Variants in ATM observed in about 807,000 individuals in gnomAD.
The protein encoded by ATM is serine-protein kinase ATM.
ATM carries 308 observed loss-of-function variants against 387.0 expected under a neutral mutation model. The observed-to-expected ratio is 0.80, with a 90% CI of 0.73 to 0.87. The LOEUF (loss-of-function observed/expected upper bound fraction) is 0.87. Ranked by LOEUF, ATM falls within the 40% of genes least tolerant of loss-of-function variation. The pLI is 0.00. For synonymous variants in ATM, 1,156 were observed against 1,187.3 expected (o/e 0.97, Z 0.54); for missense variants, 3,312 against 3,560.9 (o/e 0.93, Z 1.78).
chr11:108,242,200 G>A (rs892829892), intron 5 of ATM, among the ~76,000 whole-genome samples: 1 of 152,084 alleles, frequency 6.6e-6, no homozygotes, highest in Non-Finnish European at 1.5e-5. Flanking sequence ...AGATCCTATA[G>A]ATATTCAAAG....
At chr11:108,337,163 T>A (rs2086943075) in intron 56 of ATM, among the ~76,000 whole-genome samples, 1 of 152,198 alleles carries the variant, frequency 6.6e-6, no homozygotes, top group Non-Finnish European at 1.5e-5. Flanking sequence ...GAACTTGGTT[T>A]TGAGCTTCTT....
chr11:108,260,521 T>C (rs1349051025), intron 16 of ATM, among the ~76,000 whole-genome samples: 1 of 152,194 alleles, frequency 6.6e-6, no homozygotes, highest in Non-Finnish European at 1.5e-5. Flanking sequence ...TTGATGGATA[T>C]TGTCATTGTC....
At position 108,246,927 on chromosome 11, in the gene ATM, A is replaced by G. The variant is rs1270406556; in HGVS notation, c.902-37A>G. 2.6e-6 allele frequency: 4 copies of G among 1,530,290 alleles called. No individual in the cohort carries two copies. In the African/African-American group the frequency reaches 4.1e-5, roughly 16 times the overall value. 94.8% of individuals were successfully genotyped at this position (1,530,290 alleles called of 1,614,324 possible). ...GGAGCTAGCAGTGTAAACAGAGTAC[A>G]TACATAAAAATTACATTTTAATTTT... On this transcript the variant is annotated intron_variant, in intron 7 of 62. Transcript: ENST00000675843.
intron 33 of ATM, 75 bp downstream of exon 33, chr11:108,297,457 T>TACAG: frequency 8.2e-7 from 1 of 1,216,758 alleles, no homozygotes; most frequent in Non-Finnish European, 1.2e-6. Flanking sequence ...TAATACTGTA[T>TACAG]TTTTACTGTA....
chr11:108,268,259 G>T (rs2081370146), intron 17 of ATM, 151 bp from the exon 18 acceptor site: 1 of 597,492 alleles, frequency 1.7e-6, no homozygotes, highest in Non-Finnish European at 2.8e-6. Context: ...TTTTCAAAAA[G>T]ACTTTTGAAG....
chr11:108,295,829 A>T (rs1487008350), intron 32 of ATM: 1 of 150,716 alleles, frequency 6.6e-6, no homozygotes, highest in East Asian at 2.0e-4. Flanking sequence ...AATTTTTTGT[A>T]TTTTTTTTAG....
At chr11:108,363,009 A>C (rs2090970656) in intron 61 of ATM, among the ~76,000 whole-genome samples, 1 of 152,122 alleles carries the variant, frequency 6.6e-6, no homozygotes, top group South Asian at 2.1e-4. Context: ...CACACCCTCC[A>C]ATGCTTTGTG....
At chr11:108,329,273 C>T (rs1441007183) in intron 49 of ATM, 35 bp downstream of exon 49, 3 of 1,544,646 alleles carry the variant, frequency 1.9e-6, no homozygotes, top group African/African-American at 1.4e-5. Context: ...ATTTTATGTT[C>T]ACCAGTTAAC....
At chr11:108,229,705 G>A (rs1335911268) in intron 4 of ATM, 1 of 200,054 alleles carries the variant, frequency 5.0e-6, no homozygotes, top group Non-Finnish European at 1.0e-5. Flanking sequence ...TAAGAGATAG[G>A]GTGTCACTCT....
At chr11:108,361,783 A>C (rs1451114861) in intron 61 of ATM, among the ~76,000 whole-genome samples, 1 of 152,132 alleles carries the variant, frequency 6.6e-6, no homozygotes, top group Non-Finnish European at 1.5e-5. Context: ...CTTACACCTG[A>C]TACAAAAATT....
In ATM at chr11:108,271,230, T is replaced by G. The variant is rs149096247; in HGVS notation, c.2922-21T>G. On this transcript the variant is annotated intron_variant, in intron 19 of 62. Transcript: ENST00000675843. ...TCTGTTAAGCTTATAAAGTTGAACTTTTTTTTTTTTTTTACCACAGCAATG... is the reference window on the plus strand; with the variant it reads ...TCTGTTAAGCTTATAAAGTTGAACTGTTTTTTTTTTTTTACCACAGCAATG... 2,696 of 629,316 alleles carry G rather than the reference T, an allele frequency of 4.3e-3. 8 individuals are homozygous for G. Among genetic ancestry groups the G allele is most frequent in the African/African-American group, 0.033 (1,722 of 52,610 alleles). 39.0% of individuals were successfully genotyped at this position (629,316 alleles called of 1,614,324 possible).
At chr11:108,267,148 A>G (rs747274083) in intron 16 of ATM, 23 bp from the exon 17 acceptor site, 3 of 1,613,046 alleles carry the variant, frequency 1.9e-6, no homozygotes, top group Non-Finnish European at 2.5e-6. Context: ...CATCTTGAAC[A>G]TCTTTGTTTC....
chr11:108,276,270 T>C (rs2081945444), intron 22 of ATM, among the ~76,000 whole-genome samples: 2 of 152,246 alleles, frequency 1.3e-5, no homozygotes, highest in Admixed American at 1.3e-4. Context: ...TAACCTTTTT[T>C]CAAGGTTCTT....
At chr11:108,293,588 T>TA (rs1282331527) in intron 31 of ATM, 111 bp downstream of exon 31, 2 of 998,658 alleles carry the variant, frequency 2.0e-6, no homozygotes, top group Non-Finnish European at 3.0e-6. Context: ...TAATTGTGAT[T>TA]AAAAATATAT....
intron 39 of ATM, among the ~76,000 whole-genome samples, chr11:108,311,142 A>G (rs1591752082): frequency 6.6e-6 from 1 of 151,806 alleles, no homozygotes; most frequent in Admixed American, 6.6e-5. Flanking sequence ...CATTTTTTTT[A>G]ATTTTTATTT....
rs1333780828 is a variant in ATM at position 108,264,602 on chromosome 11, A to G, written c.2467-2569A>G. Among the ~76,000 whole-genome samples the G allele has an allele frequency of 3.6e-4, 53 of 148,740 alleles. No homozygotes were observed. In the East Asian group the frequency reaches 8.9e-3, roughly 25 times the overall value. On this transcript the variant is annotated intron_variant, in intron 16 of 62. Transcript: ENST00000675843. ...AGGGATGCCCTCTCTCACCACTCCT[A>G]TTCAACATAGTGTTGGAAGTTCTGG...
intron 61 of ATM, among the ~76,000 whole-genome samples, chr11:108,358,784 T>A: frequency 6.8e-6 from 1 of 146,016 alleles, no homozygotes; most frequent in African/African-American, 2.5e-5. Context: ...CTAAAAGAGC[T>A]CCTGAAGGAA....
intron 33 of ATM, 63 bp from the exon 34 acceptor site, chr11:108,299,651 A>T (rs1209026159): frequency 1.3e-5 from 20 of 1,529,298 alleles, no homozygotes; most frequent in Non-Finnish European, 1.7e-5. Flanking sequence ...GAAATTAGAA[A>T]ATTTCAGTTT....
chr11:108,333,372 C>A (rs748853527), intron 53 of ATM, among the ~76,000 whole-genome samples: 1 of 152,130 alleles, frequency 6.6e-6, no homozygotes, highest in Non-Finnish European at 1.5e-5. Flanking sequence ...GCTATATAAT[C>A]TTTGGTTTTG....
Sources: allele counts gnomAD v4.1 joint callset (sites outside exome capture counted in the v4.1 genomes callset), GRCh38; gene constraint gnomAD v4.1.1; transcripts MANE v1.5; gene names NCBI Gene and HGNC (gene_info 2026-07-23, HGNC 2026-07-21).